Variants in MAP4 observed in about 807,000 individuals in gnomAD.
MAP4 encodes the protein microtubule associated protein 4.
Under a neutral mutation model 170.2 loss-of-function variants are expected in MAP4, and 76 were observed. The ratio of observed to expected loss-of-function variants is 0.45; its 90% CI spans 0.37 to 0.54. The LOEUF (loss-of-function observed/expected upper bound fraction) is 0.54. MAP4 is among the 20% of genes least tolerant of loss of function. The pLI, the probability that MAP4 is intolerant of heterozygous loss-of-function variation, is 0.00. For synonymous variants in MAP4, 909 were observed against 994.5 expected, an observed-to-expected ratio of 0.91 and a Z score of 1.62; for missense variants, 2,506 against 2,748.0, an observed-to-expected ratio of 0.91 and a Z score of 1.97.
chr3:48,038,723 G>A (rs1277552306), intron 1 of MAP4, among the ~76,000 whole-genome samples: 3 of 152,182 alleles, frequency 2.0e-5, no homozygotes, highest in African/African-American at 4.8e-5. Context: ...GCCTCCCAGA[G>A]TGCTGGGATT....
intron 1 of MAP4, among the ~76,000 whole-genome samples, chr3:48,040,472 T>C (rs2100121064): frequency 6.6e-6 from 1 of 152,018 alleles, no homozygotes; most frequent in Non-Finnish European, 1.5e-5. Context: ...GGTTTCACCA[T>C]GTTAGCCAGG....
At chr3:47,986,699 A>AT (rs1200039574) in intron 2 of MAP4, among the ~76,000 whole-genome samples, 2 of 150,584 alleles carry the variant, frequency 1.3e-5, no homozygotes, top group South Asian at 4.2e-4. Context: ...TTGGTACGAT[A>AT]TTTTTTTTCC....
Position 47,880,508 on chromosome 3 carries a change from T to C in MAP4, c.5435-2985A>G, listed in dbSNP as rs114001761. 9.3e-3 allele frequency among the ~76,000 whole-genome samples: 1,325 copies of C among 142,710 alleles called. 21 individuals carry two copies. Among genetic ancestry groups the C allele is most frequent in the African/African-American group, 0.034 (1,274 of 37,748 alleles). The allele number at this position is 142,710 out of a possible 152,430, so 93.6% of individuals were successfully genotyped here. ...TTTTTAAGAGATGAAGTCTGTTGCCTAGGCTGCAGTACAGTGGCATGATCA... is the reference window on the plus strand; with the variant it reads ...TTTTTAAGAGATGAAGTCTGTTGCCCAGGCTGCAGTACAGTGGCATGATCA... On this transcript the variant is annotated intron_variant, in intron 10 of 20. Transcript: ENST00000683076.
At chr3:47,952,345 T>C (rs895919515) in intron 3 of MAP4, among the ~76,000 whole-genome samples, 2 of 151,966 alleles carry the variant, frequency 1.3e-5, no homozygotes, top group African/African-American at 4.8e-5. Context: ...TACTGGGAAG[T>C]GAGGAGCCCC....
Position 47,950,876 on chromosome 3 carries a change from A to G in MAP4, c.293-22526T>C, listed in dbSNP as rs539792602. Among the ~76,000 whole-genome samples the G allele has an allele frequency of 2.0e-5, 3 of 152,330 alleles. No individual in the cohort carries two copies. The South Asian group carries it at 6.2e-4, about 32-fold the overall frequency. Reference sequence around the variant, plus strand: ...CTCCCCATAGCTGAGTTGGTCTTGTAGAAAATTTCTACGGAATTCAATTCC... The same window carrying G: ...CTCCCCATAGCTGAGTTGGTCTTGTGGAAAATTTCTACGGAATTCAATTCC... On this transcript the variant is annotated intron_variant, in intron 3 of 20. Coordinates refer to ENST00000683076, the MANE Select transcript of MAP4 (RefSeq NM_001385682.1).
At position 47,855,378 on chromosome 3, in the gene MAP4, C is replaced by T. The variant is rs372317664; in HGVS notation, c.6584-18G>A. ...TCCTCCACCTGGAACCACAAAGGAA[C>T]TGGTCACCTAGGGTGGCAGAGGAAT... is the stretch of plus-strand genomic sequence containing the variant. On this transcript the variant is annotated intron_variant, in intron 18 of 20. Coordinates refer to ENST00000683076, the MANE Select transcript of MAP4 (RefSeq NM_001385682.1). This position sits in a 1 kb window ranked among gnomAD's most constrained non-coding sequence, Gnocchi z 5.1. 3.3e-6 allele frequency: 5 copies of T among 1,504,106 alleles called. No individual in the cohort carries two copies. In the African/African-American group the frequency reaches 5.5e-5, roughly 17 times the overall value. 93.2% of individuals were successfully genotyped at this position (1,504,106 alleles called of 1,614,324 possible). A position where few individuals can be genotyped will look rare whatever the true frequency, so the allele number is the denominator to read the frequency against.
chr3:48,032,312 T>A (rs1259231132), intron 1 of MAP4, among the ~76,000 whole-genome samples: 1 of 151,984 alleles, frequency 6.6e-6, no homozygotes, highest in Non-Finnish European at 1.5e-5. Context: ...CTGGCCAACA[T>A]GGTGAAACTG....
intron 3 of MAP4, among the ~76,000 whole-genome samples, chr3:47,951,500 C>G (rs1259716294): frequency 1.3e-5 from 2 of 152,240 alleles, no homozygotes; most frequent in African/African-American, 4.8e-5. Flanking sequence ...CAGACGCGCG[C>G]CGCCACGCCT....
Position 47,916,963 on chromosome 3 carries a change from C to G in MAP4, c.864G>C (p.Leu288=). The G allele has an allele frequency of 6.2e-7, 1 of 1,614,218 alleles. No individual in the cohort carries two copies. Among genetic ancestry groups the G allele is most frequent in the Non-Finnish European group, 8.5e-7 (1 of 1,180,038 alleles). The change falls in exon 7 of 21, where the codon CTG becomes CTC. Residue 288 remains leucine (L), a synonymous_variant. Transcript: ENST00000683076. ...CCATGGATGGCTGCATGTCCTTGGC[C>G]AGTGTCACATCTAATTTGGTGGGTG... ...MESPTKLDVT[L]AKDMQPSMES...
intron 1 of MAP4, among the ~76,000 whole-genome samples, chr3:48,021,491 G>T (rs781575125): frequency 1.1e-4 from 16 of 152,204 alleles, no homozygotes; most frequent in Non-Finnish European, 2.1e-4. Flanking sequence ...GGGACCACAG[G>T]CGTGCGCCAC....
At chr3:47,892,690 T>C (rs527928984) in intron 10 of MAP4, 1 of 1,375,870 alleles carries the variant, frequency 7.3e-7, no homozygotes, top group Non-Finnish European at 9.3e-7. Context: ...AAAGGAAGAA[T>C]GAATGAAAGC....
intron 3 of MAP4, among the ~76,000 whole-genome samples, chr3:47,948,324 C>A (rs2154077778): frequency 6.6e-6 from 1 of 150,784 alleles, no homozygotes; most frequent in East Asian, 2.0e-4. Flanking sequence ...GTCTCAACCT[C>A]CTGGGCTCAA....
chr3:47,877,171 C>G, intron 11 of MAP4: 1 of 366,134 alleles, frequency 2.7e-6, no homozygotes, highest in Non-Finnish European at 5.1e-6. Flanking sequence ...GCCACCATGC[C>G]CGGCCTCTAC....
rs766566238 is a variant in MAP4 at position 47,855,218 on chromosome 3, G to A, written c.6696+30C>T. The A allele has an allele frequency of 1.0e-5, 15 of 1,507,532 alleles. No individual in the cohort carries two copies. The highest frequency in any genetic ancestry group is 1.7e-4 in the Middle Eastern group (1 of 5,900). The allele number at this position is 1,507,532 out of a possible 1,614,324, so 93.4% of individuals were successfully genotyped here. A position where few individuals can be genotyped will look rare whatever the true frequency, so the allele number is the denominator to read the frequency against. The stretch of plus-strand genomic sequence containing the variant: ...ACTGCATAGTTCCCACCCCTCCCCA[G>A]CTGTGTCTCCCCAGTGACCCACTCG... On this transcript the variant is annotated intron_variant, in intron 19 of 20. Transcript: ENST00000683076. The surrounding 1 kb of genome is among the most constrained non-coding windows in gnomAD (Gnocchi z 5.1).
intron 10 of MAP4, among the ~76,000 whole-genome samples, chr3:47,890,642 C>G (rs2098390604): frequency 2.0e-5 from 3 of 151,922 alleles, no homozygotes; most frequent in Admixed American, 2.0e-4. Flanking sequence ...ATTTAGAGCT[C>G]AGGAATCATC....
In MAP4 at chr3:48,036,995, A is replaced by G. The variant is rs147903254; in HGVS notation, c.-19-38116T>C. 7.5e-4 allele frequency among the ~76,000 whole-genome samples: 114 copies of G among 152,326 alleles called. 1 individual carries two copies. The highest frequency in any genetic ancestry group is 2.6e-3 in the African/African-American group (109 of 41,576). On this transcript the variant is annotated intron_variant, in intron 1 of 18. Coordinates refer to the MAP4 transcript ENST00000360240. ...AATCAGATACAGAATTTGGACCCCT[A>G]TGAAATGCATAAGGCTCTCCCCAAA...
intron 2 of MAP4, among the ~76,000 whole-genome samples, chr3:47,980,422 A>T (rs2154288094): frequency 6.6e-6 from 1 of 152,330 alleles, no homozygotes; most frequent in East Asian, 1.9e-4. Flanking sequence ...CTAAAATAAA[A>T]AATGCAAGAT....
At chr3:48,049,886 C>T (rs755810900) in intron 1 of MAP4, among the ~76,000 whole-genome samples, 4 of 146,908 alleles carry the variant, frequency 2.7e-5, no homozygotes, top group Non-Finnish European at 4.5e-5. Flanking sequence ...TGCAGTGAGC[C>T]GAGATCGCAC....
At chr3:47,979,798 G>C (rs960035998) in intron 2 of MAP4, among the ~76,000 whole-genome samples, 3 of 151,712 alleles carry the variant, frequency 2.0e-5, no homozygotes, top group Non-Finnish European at 2.9e-5. Context: ...CCTCCAACTT[G>C]AGTCTTTTCC....
Sources: allele counts gnomAD v4.1 joint callset (sites outside exome capture counted in the v4.1 genomes callset), GRCh38; gene constraint gnomAD v4.1.1; non-coding constraint Gnocchi (gnomAD v3.1); transcripts MANE v1.5; gene names NCBI Gene and HGNC (gene_info 2026-07-23, HGNC 2026-07-21).